Variants in PRPF3 observed in about 807,000 individuals in gnomAD.
PRPF3 encodes U4/U6 small nuclear ribonucleoprotein Prp3.
A neutral mutation model predicts 89.2 loss-of-function variants in PRPF3; 3 were observed. The observed-to-expected ratio is 0.03, with a 90% CI of 0.02 to 0.09. The LOEUF is 0.09. Ranked by LOEUF, PRPF3 falls within the 10% of genes least tolerant of loss-of-function variation. PRPF3 has a pLI of 1.00. For missense variants in PRPF3, 463 were observed against 828.8 expected (o/e 0.56, Z 5.42); for synonymous variants, 270 against 289.1 (o/e 0.93, Z 0.67).
chr1:150,336,931 C>T (rs1337329663), intron 7 of PRPF3, among the ~76,000 whole-genome samples: 2 of 151,594 alleles, frequency 1.3e-5, no homozygotes, highest in African/African-American at 2.4e-5. Flanking sequence ...GAAGGCTTGC[C>T]TGTAGTTAAA....
Position 150,328,358 on chromosome 1 carries a change from A to G in PRPF3, c.315A>G (p.Ser105=), listed in dbSNP as rs1655944574. ...FGDDSEISKE[S]SGVKKRRIPR... is the part of the protein sequence containing the mutation. ...ATGACTCTGAGATCTCTAAAGAATC[A>G]TCAGGAGTAAAGAAGCGACGAATAC... Residue 105 remains serine (S), a synonymous_variant, in exon 4 of 16, where the codon TCA becomes TCG. Transcript: ENST00000324862. 6.2e-7 allele frequency: 1 copy of G among 1,614,006 alleles called. No homozygotes were observed. Among genetic ancestry groups the G allele is most frequent in the Non-Finnish European group, 8.5e-7 (1 of 1,180,022 alleles).
At chr1:150,340,524 T>G (rs781825175) in intron 9 of PRPF3, 47 bp downstream of exon 9, 22 of 1,421,740 alleles carry the variant, frequency 1.5e-5, no homozygotes, top group Non-Finnish European at 2.1e-5. Flanking sequence ...GCATTACCCA[T>G]TGGAAATTTA....
rs1657268840 is a variant in PRPF3, at chr1:150,338,318, C to G, written c.1194C>G (p.Gly398=). 9 of 1,613,906 alleles carry G rather than the reference C, an allele frequency of 5.6e-6. No homozygotes were observed. The highest frequency in any genetic ancestry group is 7.6e-6 in the Non-Finnish European group (9 of 1,179,924). ...EWWDSYIIPN[G]FDLTEENPKR... ...GGGACTCTTACATAATCCCCAATGG[C>G]TTTGATCTGTGAGTTTGTTTTAGTA... Residue 398 remains glycine, a synonymous_variant, in exon 8 of 16, where the codon GGC becomes GGG. Transcript: ENST00000324862.
At chr1:150,346,574 C>T (rs1302292815) in intron 14 of PRPF3, 83 bp downstream of exon 14, 3 of 1,353,732 alleles carry the variant, frequency 2.2e-6, no homozygotes, top group East Asian at 2.3e-5. Flanking sequence ...TATTTCCTCC[C>T]TGTGACACTC....
At chr1:150,339,341 C>T (rs1657408645) in intron 8 of PRPF3, among the ~76,000 whole-genome samples, 1 of 150,718 alleles carries the variant, frequency 6.6e-6, no homozygotes, top group Non-Finnish European at 1.5e-5. Flanking sequence ...ATGACCACTG[C>T]ACTCTATCCT....
intron 4 of PRPF3, 151 bp from the exon 5 acceptor site, chr1:150,332,533 A>G: frequency 1.3e-6 from 1 of 747,804 alleles, no homozygotes; most frequent in African/African-American, 1.8e-5. Flanking sequence ...TCTTGACTAA[A>G]TTTTTTGCAC....
At position 150,352,904 on chromosome 1, in the gene PRPF3, G is replaced by C; in HGVS notation, c.1977G>C (p.Glu659Asp). 1 of 1,614,196 alleles carries C rather than the reference G, an allele frequency of 6.2e-7. No individual in the cohort carries two copies. Among genetic ancestry groups the C allele is most frequent in the Non-Finnish European group, 8.5e-7 (1 of 1,180,030 alleles). The change falls in exon 16 of 16, where the codon GAG becomes GAC. Residue 659 changes from glutamate (E) to aspartate (D), a missense_variant. This residue lies in a region of PRPF3 where 78 missense variants were observed against 96.6 expected (regional missense o/e 0.81). Coordinates refer to ENST00000324862, the MANE Select transcript of PRPF3 (RefSeq NM_004698.4). ...GTCCTACAGAGAACATGGCTCGTGA[G>C]CATTTCAAAAAGCATGGGGCTGAAC... Reference protein sequence around the residue: ...KQCPTENMAREHFKKHGAEHY... With the variant: ...KQCPTENMARDHFKKHGAEHY...
chr1:150,323,036 A>G (rs1393178521), intron 1 of PRPF3, among the ~76,000 whole-genome samples: 1 of 151,534 alleles, frequency 6.6e-6, no homozygotes, highest in Non-Finnish European at 1.5e-5. Context: ...CACCACGCCC[A>G]GCTAATATTT....
chr1:150,332,844 A>G, intron 5 of PRPF3, 77 bp downstream of exon 5: 1 of 1,530,150 alleles, frequency 6.5e-7, no homozygotes, highest in Non-Finnish European at 9.0e-7. Flanking sequence ...ATGAGAGACT[A>G]GAAGAGGTGA....
chr1:150,344,420 T>C lies in PRPF3; in HGVS notation c.1527-14T>C. The C allele has an allele frequency of 6.2e-7, 1 of 1,614,106 alleles. No homozygotes were observed. Reference sequence around the variant, plus strand: ...TGCCTTTCTCACTTGTGGATGTCCTTCCTGTCACGACAGAGCGCATGAAGA... The same window carrying C: ...TGCCTTTCTCACTTGTGGATGTCCTCCCTGTCACGACAGAGCGCATGAAGA... On this transcript the variant is annotated splice_polypyrimidine_tract_variant and intron_variant, in intron 11 of 15. Coordinates refer to ENST00000324862, the MANE Select transcript of PRPF3 (RefSeq NM_004698.4).
At chr1:150,323,709 C>A (rs2101939135) in intron 1 of PRPF3, among the ~76,000 whole-genome samples, 1 of 151,554 alleles carries the variant, frequency 6.6e-6, no homozygotes, top group Admixed American at 6.6e-5. Context: ...GTAGATTGAA[C>A]ATGATAATTA....
intron 3 of PRPF3, 35 bp downstream of exon 3, chr1:150,325,916 C>T: frequency 6.2e-7 from 1 of 1,607,240 alleles, no homozygotes; most frequent in Non-Finnish European, 8.5e-7. Flanking sequence ...GAGCTCAGGA[C>T]TGTTTTGAAT....
intron 4 of PRPF3, among the ~76,000 whole-genome samples, chr1:150,332,154 G>T (rs782668895): frequency 3.3e-5 from 5 of 151,854 alleles, no homozygotes; most frequent in Non-Finnish European, 7.4e-5. Context: ...AACCCGGGAG[G>T]CAGAGCTTGC....
chr1:150,341,128 G>GAAAGA (rs1306778520), intron 9 of PRPF3, among the ~76,000 whole-genome samples: 1 of 117,572 alleles, frequency 8.5e-6, no homozygotes, highest in Admixed American at 8.8e-5. Flanking sequence ...AAAAAAAAAA[G>GAAAGA]AAGAAAGAAA....
chr1:150,334,876 G>GT, intron 6 of PRPF3, 59 bp from the exon 7 acceptor site: 1 of 1,599,668 alleles, frequency 6.3e-7, no homozygotes, highest in Non-Finnish European at 8.5e-7. Flanking sequence ...GCTTTATTTT[G>GT]TTTTTTGCTT....
chr1:150,322,749 T>G (rs1289935018), intron 1 of PRPF3, among the ~76,000 whole-genome samples: 1 of 152,138 alleles, frequency 6.6e-6, no homozygotes, highest in African/African-American at 2.4e-5. Context: ...CAGACTGGAT[T>G]TTTTGGAGAA....
In PRPF3 at chr1:150,346,485, G is replaced by A; in HGVS notation, c.1837G>A (p.Gly613Arg). Residue 613 changes from glycine to arginine, a missense_variant, in exon 14 of 16, where the codon GGA becomes AGA. Gly to Arg is a moderately radical substitution (Grantham distance 125, BLOSUM62 -2). This residue lies in a region of PRPF3 where 78 missense variants were observed against 96.6 expected (regional missense o/e 0.81). Transcript: ENST00000324862. ...KWDEQTSNTK[G>R]DDDEESDEEA... ...GGATGAACAGACATCTAACACAAAG[G>A]GAGATGGTGAATGGGGGTTAGAGGG... The A allele has an allele frequency of 1.2e-6, 2 of 1,611,982 alleles. No homozygotes were observed. The highest frequency in any genetic ancestry group is 1.7e-6 in the Non-Finnish European group (2 of 1,178,076).
Position 150,325,751 on chromosome 1 carries a change from A to G in PRPF3, c.146A>G (p.Asp49Gly), listed in dbSNP as rs1553863583. 1.2e-6 allele frequency: 2 copies of G among 1,612,424 alleles called. No homozygotes were observed. Among genetic ancestry groups the G allele is most frequent in the Non-Finnish European group, 1.7e-6 (2 of 1,178,922 alleles). ...CTACCACCGCCTTTCTTCCTGTCAG[A>G]TCATCTGAAACCTTTTCTTGATGAT... Reference protein sequence around the residue: ...GKGMDKKKAADHLKPFLDDST... With the variant: ...GKGMDKKKAAGHLKPFLDDST... Residue 49 changes from aspartate (D) to glycine (G), a missense_variant and splice_region_variant, in exon 3 of 16, where the codon GAT becomes GGT. Physicochemically the swap from Asp to Gly is moderately conservative, Grantham distance 94. Transcript: ENST00000324862.
intron 12 of PRPF3, among the ~76,000 whole-genome samples, chr1:150,345,152 T>C (rs1658148283): frequency 6.6e-6 from 1 of 152,108 alleles, no homozygotes; most frequent in African/African-American, 2.4e-5. Context: ...AGTGGTACAT[T>C]ATCACAAAAA....
Sources: gnomAD v4.1 joint callset for allele counts (sites outside exome capture counted in the v4.1 genomes callset) on GRCh38, gnomAD v4.1.1 for gene constraint, gnomAD v4.1.1 regional missense constraint, MANE v1.5 for transcripts, NCBI Gene and HGNC (gene_info 2026-07-23, HGNC 2026-07-21) for gene names.